Variants in ATP9B observed in about 807,000 individuals in gnomAD.
The protein encoded by ATP9B is probable phospholipid-transporting ATPase IIB.
In ATP9B, 110 loss-of-function variants were observed where a neutral mutation model predicts 146.1. The observed-to-expected ratio is 0.75, with a 90% CI of 0.65 to 0.88. ATP9B has a LOEUF of 0.88. Ranked by LOEUF, ATP9B falls within the 40% of genes least tolerant of loss-of-function variation. ATP9B has a pLI of 0.00. For missense variants in ATP9B, 1,499 were observed against 1,496.4 expected (o/e 1.00, Z -0.03); for synonymous variants, 604 against 569.7 (o/e 1.06, Z -0.86).
chr18:79,225,757 G>A (rs574888624), intron 11 of ATP9B, among the ~76,000 whole-genome samples: 2 of 132,320 alleles, frequency 1.5e-5, no homozygotes, highest in African/African-American at 3.3e-5. Context: ...GCAGTCGCAG[G>A]GCGGCCACTG....
chr18:79,143,054 T>A (rs1228783313), intron 5 of ATP9B, among the ~76,000 whole-genome samples: 1 of 151,180 alleles, frequency 6.6e-6, no homozygotes, highest in Non-Finnish European at 1.5e-5. Flanking sequence ...AGTGAGGAAG[T>A]GAGGGAAAGA....
intron 11 of ATP9B, among the ~76,000 whole-genome samples, chr18:79,242,550 T>C (rs1461121356): frequency 6.6e-6 from 1 of 152,254 alleles, no homozygotes; most frequent in East Asian, 1.9e-4. Context: ...ATTAACATTT[T>C]CTGCCCCTCC....
chr18:79,071,049 C>CTTTTTTCTT (rs1555723402), intron 1 of ATP9B, among the ~76,000 whole-genome samples: 7,114 of 112,160 alleles, frequency 0.063, 250 homozygotes, highest in Non-Finnish European at 0.093. Flanking sequence ...ATTCCTGTTT[C>CTTTTTTCTT]TTTTTTTTTT....
chr18:79,142,747 A>C (rs1051643819), intron 5 of ATP9B, among the ~76,000 whole-genome samples: 3 of 152,234 alleles, frequency 2.0e-5, no homozygotes, highest in Non-Finnish European at 4.4e-5. Flanking sequence ...AGGCATGTAG[A>C]AAAAACTACA....
chr18:79,339,766 CATCT>C (rs972578439), intron 19 of ATP9B, among the ~76,000 whole-genome samples: 3 of 150,156 alleles, frequency 2.0e-5, no homozygotes, highest in African/African-American at 7.4e-5. Flanking sequence ...GTATCATATC[CATCT>C]GAGATCGCAG....
At chr18:79,256,919 T>G (rs2096087751) in intron 12 of ATP9B, among the ~76,000 whole-genome samples, 1 of 152,234 alleles carries the variant, frequency 6.6e-6, no homozygotes, top group Non-Finnish European at 1.5e-5. Context: ...GCAGGGTAAA[T>G]TTCATTTACA....
intron 1 of ATP9B, among the ~76,000 whole-genome samples, chr18:79,070,624 C>G (rs2071615297): frequency 6.6e-6 from 1 of 151,930 alleles, no homozygotes; most frequent in African/African-American, 2.4e-5. Context: ...AAATGTGCCA[C>G]CTGTTTCAAA....
At chr18:79,327,664 C>CGTGCTCTCCGTGGTTAGT (rs2096761487) in intron 15 of ATP9B, among the ~76,000 whole-genome samples, 1 of 141,058 alleles carries the variant, frequency 7.1e-6, no homozygotes, top group Non-Finnish European at 1.5e-5. Context: ...CCGTGTTTAG[C>CGTGCTCTCCGTGGTTAGT]GTGCTCTCCG....
In ATP9B at chr18:79,342,379, C is replaced by A; in HGVS notation, c.2382+13C>A. The A allele has an allele frequency of 6.4e-7, 1 of 1,561,270 alleles. No homozygotes were observed. The highest frequency in any genetic ancestry group is 8.8e-7 in the Non-Finnish European group (1 of 1,135,756). The stretch of plus-strand genomic sequence containing the variant: ...TATTTTCAGACAGGTAAGTATGTAT[C>A]TTAATCACTTTGAATTTTTAAACAT... On this transcript the variant is annotated intron_variant, in intron 20 of 29. Coordinates refer to ENST00000426216, the MANE Select transcript of ATP9B (RefSeq NM_198531.5).
At chr18:79,367,114 C>T (rs935954520) in intron 26 of ATP9B, among the ~76,000 whole-genome samples, 1 of 136,066 alleles carries the variant, frequency 7.3e-6, no homozygotes, top group African/African-American at 2.8e-5. Context: ...AACCAGAGAG[C>T]ACACATATCT....
At chr18:79,097,706 T>C (rs1276021152) in intron 2 of ATP9B, among the ~76,000 whole-genome samples, 1 of 147,556 alleles carries the variant, frequency 6.8e-6, no homozygotes, top group African/African-American at 2.6e-5. Flanking sequence ...GGACATGAAC[T>C]CATCATTTTT....
chr18:79,246,016 A>G (rs1175004423), intron 11 of ATP9B, among the ~76,000 whole-genome samples: 1 of 126,758 alleles, frequency 7.9e-6, no homozygotes, highest in East Asian at 2.7e-4. Flanking sequence ...GCACCGCCCT[A>G]CTGACTGAGG....
At chr18:79,351,717 A>G (rs2096923198) in intron 25 of ATP9B, among the ~76,000 whole-genome samples, 3 of 152,134 alleles carry the variant, frequency 2.0e-5, no homozygotes, top group Admixed American at 2.0e-4. Flanking sequence ...TCCTGAAGCA[A>G]GAGGCCCCAA....
At chr18:79,308,334 AAAGACCCGT>A (rs2096630590) in intron 15 of ATP9B, among the ~76,000 whole-genome samples, 1 of 152,232 alleles carries the variant, frequency 6.6e-6, no homozygotes, top group South Asian at 2.1e-4. Context: ...ACATGAGAAC[AAAGACCCGT>A]ATGTTAATGT....
chr18:79,085,020 G>A (rs1377796859), intron 1 of ATP9B: 3 of 151,408 alleles, frequency 2.0e-5, no homozygotes, highest in Admixed American at 6.6e-5. Flanking sequence ...AAAAAAAAAA[G>A]GTTTAATTGG....
chr18:79,322,172 A>G (rs2096719853), intron 15 of ATP9B, among the ~76,000 whole-genome samples: 1 of 152,090 alleles, frequency 6.6e-6, no homozygotes, highest in South Asian at 2.1e-4. Context: ...CCCTAGCACA[A>G]TTTTAGACTC....
intron 9 of ATP9B, among the ~76,000 whole-genome samples, chr18:79,204,594 A>G (rs546747533): frequency 6.6e-6 from 1 of 152,356 alleles, no homozygotes; most frequent in East Asian, 1.9e-4. Flanking sequence ...AAGTTCAGGA[A>G]AGCATGCAAC....
intron 1 of ATP9B, chr18:79,086,098 T>C (rs754799714): frequency 6.6e-6 from 1 of 152,204 alleles, no homozygotes; most frequent in South Asian, 2.1e-4. Flanking sequence ...CCAGGATTCA[T>C]TGGAATCAGA....
In ATP9B at chr18:79,377,572, C is replaced by T; in HGVS notation, c.*189C>T. 2 of 743,732 alleles carry T rather than the reference C, an allele frequency of 2.7e-6. No homozygotes were observed. The highest frequency in any genetic ancestry group is 2.9e-5 in the Admixed American group (1 of 34,338). The allele number at this position is 743,732 out of a possible 1,614,324, so 46.1% of individuals were successfully genotyped here. ...TCCTTCTCAGTGCAGGGACGTCACC[C>T]CTGCCAGGCAAGCCCAGGGCACAGA... On this transcript the variant is annotated 3_prime_UTR_variant, in exon 30 of 30. Transcript: ENST00000426216.
Sources: gnomAD v4.1 joint callset for allele counts (sites outside exome capture counted in the v4.1 genomes callset) on GRCh38, gnomAD v4.1.1 for gene constraint, MANE v1.5 for transcripts, NCBI Gene and HGNC (gene_info 2026-07-23, HGNC 2026-07-21) for gene names.